DMD: variants seen among roughly 807,000 people sequenced by gnomAD.
The protein encoded by DMD is mutant dystrophin.
A neutral mutation model predicts 330.1 loss-of-function variants in DMD; 63 were observed. The ratio of observed to expected loss-of-function variants is 0.19; its 90% confidence interval spans 0.16 to 0.24. DMD has a LOEUF of 0.24. Among genes scored for constraint, DMD ranks in the 10% least tolerant of loss-of-function variants. The pLI is 1.00. For missense variants in DMD, 3,344 were observed against 2,684.1 expected (o/e 1.25, Z -5.43); for synonymous variants, 1,223 against 959.8 (o/e 1.27, Z -5.07).
At chrX:32,787,364 G>C (rs767006298) in intron 7 of DMD, among the ~76,000 whole-genome samples, 1 of 109,794 alleles carries the variant, frequency 9.1e-6, no homozygotes, top group African/African-American at 3.3e-5. Context: ...GGATATCAAA[G>C]ATTACCACCC....
intron 41 of DMD, among the ~76,000 whole-genome samples, chrX:32,327,937 T>G (rs1192152928): frequency 1.8e-5 from 2 of 111,739 alleles, no homozygotes; most frequent in African/African-American, 6.5e-5. Flanking sequence ...AAAATAAATT[T>G]TTTTTCACTT....
At chrX:31,412,206 A>AAAAAAAG (rs765872095) in intron 60 of DMD, among the ~76,000 whole-genome samples, 4 of 94,181 alleles carry the variant, frequency 4.2e-5, no homozygotes, top group East Asian at 4.8e-4. Context: ...AAAAAAAAAA[A>AAAAAAAG]AGAGAGAGAG....
chrX:32,454,451 T>C (rs886980806), intron 26 of DMD, among the ~76,000 whole-genome samples: 1 of 111,029 alleles, frequency 9.0e-6, no homozygotes, highest in Non-Finnish European at 1.9e-5. Context: ...TCAATTTTCA[T>C]AATTGACCAC....
At chrX:32,436,453 C>T (rs991861281) in intron 29 of DMD, among the ~76,000 whole-genome samples, 3 of 111,251 alleles carry the variant, frequency 2.7e-5, no homozygotes, top group Middle Eastern at 4.7e-3. Flanking sequence ...TAAGATAATA[C>T]GTGTTGAATC....
intron 7 of DMD, among the ~76,000 whole-genome samples, chrX:32,780,971 AGCCGGGCATGGTGGCAGGC>A (rs2074677223): frequency 9.2e-6 from 1 of 109,102 alleles, no homozygotes; most frequent in African/African-American, 3.3e-5. Context: ...TAAAAAAATT[AGCCGGGCATGGTGGCAGGC>A]GCCTGTAGTC....
chrX:31,848,191 T>C (rs886182124), intron 48 of DMD, among the ~76,000 whole-genome samples: 1 of 111,964 alleles, frequency 8.9e-6, no homozygotes, highest in African/African-American at 3.2e-5. Flanking sequence ...TGAGAGAAAA[T>C]CCTGTCCCTT....
intron 1 of DMD, among the ~76,000 whole-genome samples, chrX:33,297,722 C>A (rs764031338): frequency 1.8e-5 from 2 of 109,944 alleles, no homozygotes; most frequent in Admixed American, 1.9e-4. Flanking sequence ...GAAATAAGGG[C>A]AGAAAAAAAT....
At chrX:33,274,211 G>T (rs930754822) in intron 1 of DMD, among the ~76,000 whole-genome samples, 1 of 111,891 alleles carries the variant, frequency 8.9e-6, no homozygotes, top group Admixed American at 9.5e-5. Flanking sequence ...AAATCCTAGA[G>T]AATTCTACTG....
intron 43 of DMD, among the ~76,000 whole-genome samples, chrX:32,224,401 A>C (rs1449823709): frequency 9.0e-6 from 1 of 110,950 alleles, no homozygotes; most frequent in Non-Finnish European, 1.9e-5. Flanking sequence ...TTGAAACAGA[A>C]TATATACTTT....
intron 49 of DMD, among the ~76,000 whole-genome samples, chrX:31,833,287 A>G (rs2093099943): frequency 9.0e-5 from 1 of 11,052 alleles, no homozygotes; most frequent in Admixed American, 9.9e-4. Flanking sequence ...AGAGAGAGAG[A>G]GAGAGGGAGA....
chrX:33,124,454 CGAATAGAGG>C (rs1445716728), intron 1 of DMD, among the ~76,000 whole-genome samples: 1 of 78,962 alleles, frequency 1.3e-5, no homozygotes, highest in African/African-American at 5.3e-5. Flanking sequence ...CCAGCCTGGG[CGAATAGAGG>C]GAGACTCTGT....
chrX:32,949,251 TACACACACACACACACACACACACAC>T (rs10587318), intron 2 of DMD, among the ~76,000 whole-genome samples: 1 of 89,578 alleles, frequency 1.1e-5, no homozygotes, highest in Non-Finnish European at 2.2e-5. Context: ...AATCGTTACA[TACACACACACACACACACACACACAC>T]ACACACACAC....
chrX:32,634,472 C>A (rs2058952008), intron 11 of DMD, among the ~76,000 whole-genome samples: 1 of 112,113 alleles, frequency 8.9e-6, no homozygotes, highest in Non-Finnish European at 1.9e-5. Flanking sequence ...AGCTCTGAGT[C>A]TCACCCAATA....
chrX:33,179,658 C>T (rs1162390933), intron 1 of DMD, among the ~76,000 whole-genome samples: 4 of 104,443 alleles, frequency 3.8e-5, no homozygotes, highest in Non-Finnish European at 3.9e-5. Flanking sequence ...CGCGCCACTG[C>T]ACTCTAGCCT....
intron 41 of DMD, among the ~76,000 whole-genome samples, chrX:32,340,881 G>T (rs982352297): frequency 9.0e-6 from 1 of 111,363 alleles, no homozygotes; most frequent in Non-Finnish European, 1.9e-5. Flanking sequence ...ATACAGTTTC[G>T]CTATTTCTCG....
rs983244726 is a variant in DMD, at chrX:32,413,703, CTCTAT to C, written c.4072-1795_4072-1791del. 7.6e-5 allele frequency among the ~76,000 whole-genome samples: 8 copies of C among 104,918 alleles called. No homozygotes were observed. In the East Asian group the frequency reaches 8.9e-4, roughly 12 times the overall value. 91.1% of individuals were successfully genotyped at this position (104,918 alleles called of 115,157 possible). ...TTCTTTACTGTCCTTCAAATAAAAGCTCTATTCTTTTTTTTTTTTTTTTTTTTTTG... is the reference window on the plus strand; with the variant it reads ...TTCTTTACTGTCCTTCAAATAAAAGCTCTTTTTTTTTTTTTTTTTTTTTTG... On this transcript the variant is annotated intron_variant, in intron 29 of 78. Transcript: ENST00000357033.
chrX:31,754,042 T>C (rs1370899811), intron 51 of DMD, among the ~76,000 whole-genome samples: 1 of 111,564 alleles, frequency 9.0e-6, no homozygotes, highest in Non-Finnish European at 1.9e-5. Context: ...ACAAGTGAAG[T>C]CTATGGCATG....
intron 16 of DMD, among the ~76,000 whole-genome samples, chrX:32,550,050 G>A (rs2049374204): frequency 8.9e-6 from 1 of 111,930 alleles, no homozygotes; most frequent in African/African-American, 3.2e-5. Flanking sequence ...GCCGTGGAGT[G>A]TACTTACACA....
chrX:32,531,724 T>A, intron 17 of DMD, among the ~76,000 whole-genome samples: 1 of 110,618 alleles, frequency 9.0e-6, no homozygotes, highest in East Asian at 2.8e-4. Context: ...AACACTACAT[T>A]TTTCTTTTGT....
Sources: allele counts gnomAD v4.1 joint callset (sites outside exome capture counted in the v4.1 genomes callset), GRCh38; gene constraint gnomAD v4.1.1; transcripts MANE v1.5; gene names NCBI Gene and HGNC (gene_info 2026-07-23, HGNC 2026-07-21).